SCN8A: variants seen among roughly 807,000 people sequenced by gnomAD.
The protein encoded by SCN8A is sodium channel protein type 8 subunit alpha.
Under a neutral mutation model 184.1 loss-of-function variants are expected in SCN8A, and 30 were observed. The observed-to-expected ratio is 0.16, with a 90% confidence interval of 0.12 to 0.22. SCN8A has a LOEUF of 0.22. SCN8A is among the 10% of genes least tolerant of loss of function. SCN8A has a pLI of 1.00. For missense variants in SCN8A, 1,057 were observed against 2,498.9 expected, an observed-to-expected ratio of 0.42 and a Z score of 12.30; for synonymous variants, 852 against 907.0, an observed-to-expected ratio of 0.94 and a Z score of 1.09.
At chr12:51,797,317 T>C (rs1034796777) in intron 26 of SCN8A, among the ~76,000 whole-genome samples, 4 of 152,230 alleles carry the variant, frequency 2.6e-5, no homozygotes, top group African/African-American at 9.6e-5. Flanking sequence ...CAACAAATCT[T>C]ACGTCACATG....
At chr12:51,760,619 C>T (rs761524836) in intron 14 of SCN8A, among the ~76,000 whole-genome samples, 1 of 152,176 alleles carries the variant, frequency 6.6e-6, no homozygotes, top group Non-Finnish European at 1.5e-5. Flanking sequence ...GAGAAACCTC[C>T]GATGGGTTTA....
At chr12:51,772,313 T>G (rs1161507939) in intron 19 of SCN8A, among the ~76,000 whole-genome samples, 1 of 151,056 alleles carries the variant, frequency 6.6e-6, no homozygotes, top group Admixed American at 6.6e-5. Context: ...GAGAATTGCT[T>G]GAACCTGGGA....
intron 1 of SCN8A, among the ~76,000 whole-genome samples, chr12:51,640,783 G>A (rs1940435540): frequency 6.6e-6 from 1 of 152,176 alleles, no homozygotes; most frequent in Non-Finnish European, 1.5e-5. Flanking sequence ...CAAGGTTACT[G>A]TACCATCCTT....
intron 11 of SCN8A, chr12:51,713,296 A>G (rs2138764227): frequency 1.1e-5 from 12 of 1,115,528 alleles, no homozygotes; most frequent in Admixed American, 1.7e-5. Flanking sequence ...TGGTTCCACT[A>G]CATGCCCATC....
intron 13 of SCN8A, among the ~76,000 whole-genome samples, chr12:51,746,522 G>A (rs1592140546): frequency 6.6e-6 from 1 of 152,216 alleles, no homozygotes; most frequent in South Asian, 2.1e-4. Context: ...ACCTAGTTCT[G>A]TCTCTCTTCA....
At chr12:51,775,022 GA>G (rs1937642503) in intron 20 of SCN8A, among the ~76,000 whole-genome samples, 1 of 152,198 alleles carries the variant, frequency 6.6e-6, no homozygotes, top group Non-Finnish European at 1.5e-5. Flanking sequence ...TTCCAGGTTG[GA>G]AGTGACATCC....
rs74092804 is a variant in SCN8A at position 51,810,254 on chromosome 12, T to A, written c.*2825T>A. The A allele has an allele frequency of 0.014, 3,258 of 237,530 alleles. 104 individuals are homozygous for A. Among genetic ancestry groups the A allele is most frequent in the African/African-American group, 0.069 (2,889 of 42,172 alleles). The allele number at this position is 237,530 out of a possible 1,614,324, so 14.7% of individuals were successfully genotyped here. On this transcript the variant is annotated 3_prime_UTR_variant, in exon 27 of 27. Transcript: ENST00000627620. ...CCGCTGTATTTGAAGTTTCACTTTT[T>A]AAAAAAAAAATGTTTCCCACCTTTT...
At chr12:51,746,424 C>G (rs1942512936) in intron 13 of SCN8A, among the ~76,000 whole-genome samples, 1 of 152,260 alleles carries the variant, frequency 6.6e-6, no homozygotes, top group East Asian at 1.9e-4. Flanking sequence ...GGTCTCTACC[C>G]CAAAACATAC....
intron 2 of SCN8A, among the ~76,000 whole-genome samples, chr12:51,669,829 A>C (rs1338749644): frequency 6.6e-6 from 1 of 152,210 alleles, no homozygotes; most frequent in Non-Finnish European, 1.5e-5. Context: ...CTCCTGGCAG[A>C]AAATCCTTGC....
intron 23 of SCN8A, 66 bp downstream of exon 23, chr12:51,788,814 C>T (rs369288404): frequency 5.1e-6 from 7 of 1,385,480 alleles, no homozygotes; most frequent in South Asian, 2.7e-5. Flanking sequence ...CATGGTATAC[C>T]GAGCCCACCA....
intron 12 of SCN8A, among the ~76,000 whole-genome samples, chr12:51,729,519 T>G (rs896742190): frequency 6.6e-6 from 1 of 152,200 alleles, no homozygotes; most frequent in African/African-American, 2.4e-5. Context: ...TATTGCTGAG[T>G]GGTATTTCAT....
At chr12:51,779,536 A>G (rs1937830389) in intron 20 of SCN8A, among the ~76,000 whole-genome samples, 1 of 152,058 alleles carries the variant, frequency 6.6e-6, no homozygotes, top group Admixed American at 6.5e-5. Flanking sequence ...GTCCTGTTGG[A>G]ATGTTGTTGT....
At chr12:51,694,016 G>A (rs987436168) in intron 6 of SCN8A, among the ~76,000 whole-genome samples, 6 of 152,080 alleles carry the variant, frequency 3.9e-5, no homozygotes, top group African/African-American at 7.2e-5. Context: ...CACTGCAACC[G>A]CCACCTCCTG....
chr12:51,721,329 C>T (rs1465360854), intron 11 of SCN8A, among the ~76,000 whole-genome samples: 2 of 151,732 alleles, frequency 1.3e-5, no homozygotes, highest in African/African-American at 4.8e-5. Flanking sequence ...AGTGGGTAGA[C>T]GTTTTGAATC....
intron 1 of SCN8A, among the ~76,000 whole-genome samples, chr12:51,636,118 C>T (rs992494488): frequency 3.3e-5 from 5 of 152,164 alleles, no homozygotes; most frequent in African/African-American, 1.2e-4. Context: ...CCTCAGCCTC[C>T]CAAGTAGGTA....
chr12:51,593,648 C>T (rs1228207751), intron 1 of SCN8A, among the ~76,000 whole-genome samples: 9 of 152,084 alleles, frequency 5.9e-5, no homozygotes, highest in Non-Finnish European at 8.8e-5. Flanking sequence ...CCGACCAGTT[C>T]TGCGGCGAAG....
chr12:51,649,696 G>C (rs141172346), intron 1 of SCN8A, among the ~76,000 whole-genome samples: 72 of 152,280 alleles, frequency 4.7e-4, no homozygotes, highest in African/African-American at 1.6e-3. Flanking sequence ...ACACAGCATG[G>C]GGACCCTGGG....
chr12:51,692,769 A>G (rs1941533120), intron 6 of SCN8A, among the ~76,000 whole-genome samples: 1 of 152,240 alleles, frequency 6.6e-6, no homozygotes, highest in Non-Finnish European at 1.5e-5. Flanking sequence ...ATCATGTGCC[A>G]CAGGGCTGAC....
chr12:51,641,146 A>G (rs1000826481), intron 1 of SCN8A, among the ~76,000 whole-genome samples: 1 of 152,246 alleles, frequency 6.6e-6, no homozygotes, highest in Non-Finnish European at 1.5e-5. Context: ...AATACAGTGT[A>G]ACAACTACTT....
Sources: gnomAD v4.1 joint callset for allele counts (sites outside exome capture counted in the v4.1 genomes callset) on GRCh38, gnomAD v4.1.1 for gene constraint, MANE v1.5 for transcripts, NCBI Gene and HGNC (gene_info 2026-07-23, HGNC 2026-07-21) for gene names.